The following MKX variants were observed in gnomAD, a reference collection of about 807,000 sequenced individuals.
MKX encodes the protein homeobox protein Mohawk.
Under a neutral mutation model 36.0 loss-of-function variants are expected in MKX, and 13 were observed. The observed-to-expected ratio is 0.36, with a 90% CI of 0.24 to 0.57. The LOEUF (loss-of-function observed/expected upper bound fraction) is 0.57, where lower values mean the gene tolerates loss of function less well. Ranked by LOEUF, MKX falls within the 20% of genes least tolerant of loss-of-function variation. The pLI is 0.79. For synonymous variants in MKX, 176 were observed against 178.3 expected (o/e 0.99, Z 0.10); for missense variants, 458 against 456.4 (o/e 1.00, Z -0.03).
intron 5 of MKX, among the ~76,000 whole-genome samples, chr10:27,677,197 C>T (rs1227667578): frequency 6.6e-6 from 1 of 152,178 alleles, no homozygotes; most frequent in East Asian, 1.9e-4. Context: ...CTGCACTTGG[C>T]ACTGTGCTGC....
intron 5 of MKX, among the ~76,000 whole-genome samples, chr10:27,721,239 G>A (rs1448794230): frequency 7.7e-6 from 1 of 130,266 alleles, no homozygotes; most frequent in African/African-American, 3.0e-5. Context: ...ATAAATTCAA[G>A]GACCTAGATG....
chr10:27,702,271 G>A (rs140804043), intron 5 of MKX, among the ~76,000 whole-genome samples: 1 of 152,146 alleles, frequency 6.6e-6, no homozygotes, highest in Non-Finnish European at 1.5e-5. Flanking sequence ...CTAAGAGAGA[G>A]AGCTGTCTAA....
At position 27,734,823 on chromosome 10, in the gene MKX, G is replaced by A. The variant is rs375810471; in HGVS notation, c.503-32C>T. On this transcript the variant is annotated intron_variant, in intron 4 of 6. Coordinates refer to ENST00000419761, the MANE Select transcript of MKX (RefSeq NM_173576.3). ...TGGAACAGTATCACTAAGTAGGGTG[G>A]TATGCATACTTTCCCCCAGCCACCC... 65 of 1,450,850 alleles carry A rather than the reference G, an allele frequency of 4.5e-5. No individual in the cohort carries two copies. The African/African-American group carries it at 7.9e-4, about 18-fold the overall frequency. 89.9% of individuals were successfully genotyped at this position (1,450,850 alleles called of 1,614,324 possible).
At chr10:27,704,988 A>T (rs906501844) in intron 5 of MKX, among the ~76,000 whole-genome samples, 1 of 152,206 alleles carries the variant, frequency 6.6e-6, no homozygotes, top group African/African-American at 2.4e-5. Context: ...GTTCAAATTA[A>T]TAAAACATTA....
intron 5 of MKX, among the ~76,000 whole-genome samples, chr10:27,721,730 G>A (rs533268416): frequency 2.0e-5 from 3 of 152,252 alleles, no homozygotes; most frequent in East Asian, 1.9e-4. Context: ...CACGGCACAC[G>A]TTAACCTATG....
In MKX at chr10:27,675,160, G is replaced by A. The variant is rs919308386; in HGVS notation, c.*69C>T. On this transcript the variant is annotated 3_prime_UTR_variant, in exon 7 of 7. Transcript: ENST00000419761. Reference sequence around the variant, plus strand: ...AGAGAGTCATTTTCATCCCTGCTTCGGCTCTTAGGATGAGGGTTGATGAAA... The same window carrying A: ...AGAGAGTCATTTTCATCCCTGCTTCAGCTCTTAGGATGAGGGTTGATGAAA... The A allele has an allele frequency of 3.0e-5, 43 of 1,445,112 alleles. No individual in the cohort carries two copies. Among genetic ancestry groups the A allele is most frequent in the African/African-American group, 1.6e-4 (11 of 70,588 alleles). The allele number at this position is 1,445,112 out of a possible 1,614,324, so 89.5% of individuals were successfully genotyped here.
intron 5 of MKX, among the ~76,000 whole-genome samples, chr10:27,687,672 C>T (rs1174217015): frequency 6.6e-6 from 1 of 152,202 alleles, no homozygotes; most frequent in African/African-American, 2.4e-5. Context: ...TTTCACTAAG[C>T]ACATTAAATA....
At chr10:27,680,141 A>G (rs1258327451) in intron 5 of MKX, among the ~76,000 whole-genome samples, 2 of 152,204 alleles carry the variant, frequency 1.3e-5, no homozygotes, top group African/African-American at 2.4e-5. Flanking sequence ...GTTCATTAGC[A>G]TGCACAGACT....
chr10:27,710,851 G>A (rs953052496), intron 5 of MKX, among the ~76,000 whole-genome samples: 4 of 152,012 alleles, frequency 2.6e-5, no homozygotes, highest in Non-Finnish European at 5.9e-5. Flanking sequence ...TAGAGATGGG[G>A]TTTCACCATG....
intron 5 of MKX, among the ~76,000 whole-genome samples, chr10:27,716,436 C>CAAAAAAAAAAAAAAAAAA (rs56913373): frequency 3.1e-5 from 4 of 127,674 alleles, no homozygotes; most frequent in Non-Finnish European, 3.2e-5. Context: ...AAAAAAAAAG[C>CAAAAAAAAAAAAAAAAAA]AAAAAAAAAA....
At chr10:27,700,343 C>T (rs1836628748) in intron 5 of MKX, among the ~76,000 whole-genome samples, 1 of 152,080 alleles carries the variant, frequency 6.6e-6, no homozygotes, top group South Asian at 2.1e-4. Context: ...AATAACTTTC[C>T]ATCAATTTTT....
chr10:27,694,791 C>G (rs1389193611), intron 5 of MKX, among the ~76,000 whole-genome samples: 2 of 151,406 alleles, frequency 1.3e-5, no homozygotes, highest in Non-Finnish European at 2.9e-5. Flanking sequence ...ATAGTAGTTA[C>G]TGCCTTGAAT....
intron 5 of MKX, among the ~76,000 whole-genome samples, chr10:27,701,413 T>A: frequency 6.8e-6 from 1 of 146,488 alleles, no homozygotes; most frequent in Non-Finnish European, 1.5e-5. Flanking sequence ...ATATAACAGG[T>A]TTTACTATAG....
chr10:27,742,774 C>T lies in MKX; in HGVS notation c.188+454G>A, dbSNP rs961448537. Among the ~76,000 whole-genome samples, 9 of 152,106 alleles carry T rather than the reference C, an allele frequency of 5.9e-5. No homozygotes were observed. Among genetic ancestry groups the T allele is most frequent in the Non-Finnish European group, 2.9e-5 (2 of 67,978 alleles). ...TTCCCGACTCCTTGGGCCAGGCGAG[C>T]CGCGGGGCTCTGGCGAGGGGCTCGA... On this transcript the variant is annotated intron_variant, in intron 2 of 6. Transcript: ENST00000419761. The surrounding 1 kb of genome is among the most constrained non-coding windows in gnomAD (Gnocchi z 4.2).
chr10:27,741,243 C>A lies in MKX; in HGVS notation c.348+102G>T. 6.8e-7 allele frequency: 1 copy of A among 1,469,068 alleles called. No homozygotes were observed. The highest frequency in any genetic ancestry group is 9.4e-7 in the Non-Finnish European group (1 of 1,067,132). 91.0% of individuals were successfully genotyped at this position (1,469,068 alleles called of 1,614,324 possible). On this transcript the variant is annotated intron_variant, in intron 3 of 6. Coordinates refer to ENST00000419761, the MANE Select transcript of MKX (RefSeq NM_173576.3). The surrounding 1 kb of genome is among the most constrained non-coding windows in gnomAD (Gnocchi z 5.1). ...TCCCACAGCTCGGCTCCATCCCTCT[C>A]CAGGTAGAAGCGCCACGTGGAGAGC...
At chr10:27,677,461 A>G (rs1836174897) in intron 5 of MKX, among the ~76,000 whole-genome samples, 1 of 152,214 alleles carries the variant, frequency 6.6e-6, no homozygotes, top group Non-Finnish European at 1.5e-5. Flanking sequence ...TGATCGTCAT[A>G]TAGTCTAACC....
chr10:27,709,247 A>G (rs919803413), intron 5 of MKX, among the ~76,000 whole-genome samples: 3 of 152,234 alleles, frequency 2.0e-5, no homozygotes, highest in Non-Finnish European at 4.4e-5. Context: ...ACAAAAAAAT[A>G]CAAATTAAAA....
intron 3 of MKX, among the ~76,000 whole-genome samples, chr10:27,740,631 A>C (rs1834872589): frequency 6.6e-6 from 1 of 152,186 alleles, no homozygotes; most frequent in Non-Finnish European, 1.5e-5. Context: ...AGAACACACA[A>C]ACTTTGCACC....
At chr10:27,713,073 G>A (rs1285573114) in intron 5 of MKX, among the ~76,000 whole-genome samples, 2 of 152,196 alleles carry the variant, frequency 1.3e-5, no homozygotes, top group African/African-American at 4.8e-5. Context: ...TTTGAGGAAG[G>A]GAGTATATTT....
Sources: gnomAD v4.1 joint callset for allele counts (sites outside exome capture counted in the v4.1 genomes callset) on GRCh38, gnomAD v4.1.1 for gene constraint, Gnocchi (gnomAD v3.1) non-coding constraint, MANE v1.5 for transcripts, NCBI Gene and HGNC (gene_info 2026-07-23, HGNC 2026-07-21) for gene names.